Variants in CLASP1 observed in about 807,000 individuals in gnomAD.
CLASP1 encodes the protein CLIP-associating protein 1.
A neutral mutation model predicts 192.3 loss-of-function variants in CLASP1; 38 were observed. The ratio of observed to expected loss-of-function variants is 0.20; its 90% CI spans 0.15 to 0.26. The LOEUF (loss-of-function observed/expected upper bound fraction) is 0.26. Among genes scored for constraint, CLASP1 ranks in the 10% least tolerant of loss-of-function variants. CLASP1 has a pLI of 1.00. For synonymous variants in CLASP1, 691 were observed against 712.8 expected (o/e 0.97, Z 0.49); for missense variants, 1,433 against 1,932.5 (o/e 0.74, Z 4.85).
chr2:121,347,131 A>G lies in CLASP1; in HGVS notation c.4437T>C (p.Ser1479=), dbSNP rs61733562. 795 of 1,578,234 alleles carry G rather than the reference A, an allele frequency of 5.0e-4. 6 individuals are homozygous for G. The highest frequency in any genetic ancestry group is 9.9e-5 in the Non-Finnish European group (115 of 1,160,826). Residue 1479 remains serine (S), a synonymous_variant, in exon 39 of 40, where the codon AGT becomes AGC. Transcript: ENST00000263710. ...AGCAAAACACGCTGGCCTTACGCAC[A>G]CTACTTTCGGTGTTGTCATAACCCT...
intron 2 of CLASP1, among the ~76,000 whole-genome samples, chr2:121,598,828 G>A (rs1038820556): frequency 3.9e-5 from 6 of 152,138 alleles, no homozygotes; most frequent in African/African-American, 1.4e-4. Context: ...TAAATGCAAA[G>A]TTACTCAAGC....
At chr2:121,488,058 C>T (rs138851078) in intron 8 of CLASP1, among the ~76,000 whole-genome samples, 23 of 152,234 alleles carry the variant, frequency 1.5e-4, no homozygotes, top group African/African-American at 4.3e-4. Context: ...TCTGGCCCTG[C>T]GAGATACACT....
chr2:121,575,387 G>T (rs2060413998), intron 2 of CLASP1, among the ~76,000 whole-genome samples: 1 of 152,080 alleles, frequency 6.6e-6, no homozygotes, highest in Non-Finnish European at 1.5e-5. Flanking sequence ...GATTACAGGG[G>T]TGAGCCACCA....
At chr2:121,585,899 CA>C (rs11320094) in intron 2 of CLASP1, among the ~76,000 whole-genome samples, 30,300 of 111,046 alleles carry the variant, frequency 0.27, 4,647 homozygotes, top group African/African-American at 0.51. Context: ...GACTCCATCT[CA>C]AAAAAAAAAA....
chr2:121,357,395 G>C (rs575848809), intron 37 of CLASP1, among the ~76,000 whole-genome samples: 1 of 152,034 alleles, frequency 6.6e-6, no homozygotes, highest in South Asian at 2.1e-4. Flanking sequence ...GCCTCTCAGC[G>C]CAGGGTATAA....
intron 2 of CLASP1, among the ~76,000 whole-genome samples, chr2:121,533,191 G>T (rs888521077): frequency 6.6e-6 from 1 of 152,186 alleles, no homozygotes; most frequent in Non-Finnish European, 1.5e-5. Flanking sequence ...AACTCCCGAA[G>T]AAGACTGAGT....
At chr2:121,438,772 G>A (rs908325664) in intron 19 of CLASP1, among the ~76,000 whole-genome samples, 30 of 151,674 alleles carry the variant, frequency 2.0e-4, no homozygotes, top group Admixed American at 9.2e-4. Flanking sequence ...GTTCATCAAG[G>A]ATATTGGTCT....
At chr2:121,391,535 T>C (rs2074344423) in intron 30 of CLASP1, among the ~76,000 whole-genome samples, 1 of 152,236 alleles carries the variant, frequency 6.6e-6, no homozygotes, top group South Asian at 2.1e-4. Flanking sequence ...GTAGTATCAC[T>C]AGGTCTTTTA....
intron 2 of CLASP1, among the ~76,000 whole-genome samples, chr2:121,587,755 C>T (rs1284089993): frequency 6.6e-6 from 1 of 151,206 alleles, no homozygotes; most frequent in Non-Finnish European, 1.5e-5. Context: ...CGCTTGAACC[C>T]GGGAGGCGGA....
At chr2:121,572,515 T>C (rs1370083481) in intron 2 of CLASP1, among the ~76,000 whole-genome samples, 1 of 152,134 alleles carries the variant, frequency 6.6e-6, no homozygotes, top group Non-Finnish European at 1.5e-5. Flanking sequence ...GACAAAAAAT[T>C]ATTATTTCAG....
intron 9 of CLASP1, among the ~76,000 whole-genome samples, chr2:121,466,046 T>C (rs998408691): frequency 1.3e-5 from 2 of 151,972 alleles, no homozygotes; most frequent in Non-Finnish European, 2.9e-5. Context: ...ACTTAAACGT[T>C]AGACCTAAAA....
Position 121,460,498 on chromosome 2 carries a change from C to T in CLASP1, c.1033-373G>A, listed in dbSNP as rs184318080. Among the ~76,000 whole-genome samples, 12 of 152,236 alleles carry T rather than the reference C, an allele frequency of 7.9e-5. No homozygotes were observed. The East Asian group carries it at 2.3e-3, about 29-fold the overall frequency. On this transcript the variant is annotated intron_variant, in intron 11 of 39. Transcript: ENST00000263710. The stretch of plus-strand genomic sequence containing the variant: ...TCCCCGCGACACCCCACTTCAACTG[C>T]CATTTATTTAAGAATCAAAGGAAGA...
At chr2:121,407,028 C>T (rs1020976303) in intron 25 of CLASP1, among the ~76,000 whole-genome samples, 1 of 152,056 alleles carries the variant, frequency 6.6e-6, no homozygotes, top group African/African-American at 2.4e-5. Context: ...CCAGCTTGGC[C>T]AATATGGTGA....
chr2:121,484,514 C>T (rs1165716420), intron 8 of CLASP1, among the ~76,000 whole-genome samples: 1 of 152,218 alleles, frequency 6.6e-6, no homozygotes, highest in Non-Finnish European at 1.5e-5. Flanking sequence ...ATGCAGGGAA[C>T]TTCTGAGCAC....
At chr2:121,386,567 C>T (rs2073236330) in intron 32 of CLASP1, among the ~76,000 whole-genome samples, 1 of 152,196 alleles carries the variant, frequency 6.6e-6, no homozygotes, top group Non-Finnish European at 1.5e-5. Flanking sequence ...ATTGCCTCAG[C>T]TTCTATAGGG....
At chr2:121,403,652 A>G (rs2076463164) in intron 26 of CLASP1, 2 of 441,434 alleles carry the variant, frequency 4.5e-6, no homozygotes, top group South Asian at 3.2e-5. Context: ...CTTCTCCCTA[A>G]CAATAGTATT....
chr2:121,422,123 C>T (rs2079609528), intron 22 of CLASP1, among the ~76,000 whole-genome samples: 1 of 152,132 alleles, frequency 6.6e-6, no homozygotes, highest in Non-Finnish European at 1.5e-5. Context: ...GTTTACATTT[C>T]TTGATAGACA....
chr2:121,479,034 C>A, intron 8 of CLASP1, among the ~76,000 whole-genome samples: 1 of 87,982 alleles, frequency 1.1e-5, no homozygotes, highest in Non-Finnish European at 2.3e-5. Context: ...ACACACACCC[C>A]ACACACACAC....
In CLASP1 at chr2:121,384,031, C is replaced by CACAT. The variant is rs1195282993; in HGVS notation, c.3375-1708_3375-1707insATGT. Among the ~76,000 whole-genome samples, 288 of 132,828 alleles carry CACAT rather than the reference C, an allele frequency of 2.2e-3. 2 individuals carry two copies. The highest frequency in any genetic ancestry group is 7.4e-3 in the African/African-American group (276 of 37,282). The allele number at this position is 132,828 out of a possible 152,430, so 87.1% of individuals were successfully genotyped here. ...ATACACACACACACACACACACACA[C>CACAT]ATATATATGTATATATACACACATA... On this transcript the variant is annotated intron_variant, in intron 32 of 39. Transcript: ENST00000263710.
Sources: allele counts gnomAD v4.1 joint callset (sites outside exome capture counted in the v4.1 genomes callset), GRCh38; gene constraint gnomAD v4.1.1; transcripts MANE v1.5; gene names NCBI Gene and HGNC (gene_info 2026-07-23, HGNC 2026-07-21).